Variants in PTPRT observed in about 807,000 individuals in gnomAD.
PTPRT encodes the protein receptor-type tyrosine-protein phosphatase T.
PTPRT carries 56 observed loss-of-function variants against 176.8 expected under a neutral mutation model. The observed-to-expected ratio is 0.32, with a 90% CI of 0.26 to 0.40. The LOEUF (loss-of-function observed/expected upper bound fraction) is 0.40. Ranked by LOEUF, PTPRT falls within the 10% of genes least tolerant of loss-of-function variation. PTPRT has a pLI of 1.00. For synonymous variants in PTPRT, 783 were observed against 739.0 expected, an observed-to-expected ratio of 1.06 and a Z score of -0.96; for missense variants, 1,540 against 1,908.2, an observed-to-expected ratio of 0.81 and a Z score of 3.60.
intron 7 of PTPRT, among the ~76,000 whole-genome samples, chr20:42,482,415 C>T (rs1171891706): frequency 6.6e-6 from 1 of 152,148 alleles, no homozygotes; most frequent in African/African-American, 2.4e-5. Flanking sequence ...GCAGTTGTAA[C>T]AGTATGGTAA....
chr20:42,493,434 T>G (rs1254357280), intron 7 of PTPRT, among the ~76,000 whole-genome samples: 1 of 152,140 alleles, frequency 6.6e-6, no homozygotes, highest in African/African-American at 2.4e-5. Flanking sequence ...TCTTCCTCTG[T>G]AAGTTCTAGG....
At chr20:42,260,211 C>T (rs1354758814) in intron 13 of PTPRT, among the ~76,000 whole-genome samples, 2 of 152,216 alleles carry the variant, frequency 1.3e-5, no homozygotes, top group Admixed American at 6.5e-5. Context: ...GTGTGGGACA[C>T]ATCAGGGCAT....
chr20:42,333,271 G>C (rs950023729), intron 11 of PTPRT, among the ~76,000 whole-genome samples: 6 of 152,146 alleles, frequency 3.9e-5, no homozygotes, highest in African/African-American at 1.4e-4. Flanking sequence ...ATGTGAAACT[G>C]TATCTCTTCA....
At chr20:42,644,203 G>A (rs1271520391) in intron 7 of PTPRT, among the ~76,000 whole-genome samples, 1 of 152,120 alleles carries the variant, frequency 6.6e-6, no homozygotes, top group East Asian at 1.9e-4. Context: ...CATTGTCTCT[G>A]TCACCTGGAC....
At chr20:42,285,902 TA>T (rs1347651051) in intron 12 of PTPRT, among the ~76,000 whole-genome samples, 3 of 151,800 alleles carry the variant, frequency 2.0e-5, no homozygotes, top group South Asian at 2.1e-4. Context: ...ATAAACTACC[TA>T]AAAAATACAA....
At chr20:42,204,738 G>C (rs2055409491) in intron 15 of PTPRT, among the ~76,000 whole-genome samples, 1 of 152,112 alleles carries the variant, frequency 6.6e-6, no homozygotes, top group Non-Finnish European at 1.5e-5. Context: ...GATTTGTTCT[G>C]AGTGCCACTC....
At chr20:42,291,253 C>T (rs1389875404) in intron 12 of PTPRT, among the ~76,000 whole-genome samples, 1 of 152,122 alleles carries the variant, frequency 6.6e-6, no homozygotes, top group Admixed American at 6.6e-5. Flanking sequence ...TGAATGATTA[C>T]TATGTGCCAC....
intron 29 of PTPRT, among the ~76,000 whole-genome samples, chr20:42,082,358 C>A (rs2144002): frequency 1.3e-5 from 2 of 152,118 alleles, no homozygotes; most frequent in African/African-American, 4.8e-5. Context: ...CACCCAAACC[C>A]CAAGGGCAGG....
rs545620751 is a variant in PTPRT, at chr20:42,868,662, A to T, written c.214+17145T>A. On this transcript the variant is annotated intron_variant, in intron 2 of 30. Transcript: ENST00000373187. ...GTGGCTGAGTCAATGTTTGATAAAA[A>T]TATTAAGATGCCTGATAGGGTTATT... is the stretch of plus-strand genomic sequence containing the variant. Among the ~76,000 whole-genome samples the T allele has an allele frequency of 2.6e-5, 4 of 152,340 alleles. 1 individual carries two copies. The highest frequency in any genetic ancestry group is 2.6e-4 in the Admixed American group (4 of 15,304).
chr20:42,921,413 A>G (rs1404757277), intron 1 of PTPRT, among the ~76,000 whole-genome samples: 4 of 151,224 alleles, frequency 2.6e-5, no homozygotes, highest in Non-Finnish European at 5.9e-5. Context: ...ACATAGTGAG[A>G]TCTCTACAAA....
At chr20:42,290,254 A>C (rs2057296746) in intron 12 of PTPRT, among the ~76,000 whole-genome samples, 1 of 152,078 alleles carries the variant, frequency 6.6e-6, no homozygotes, top group Non-Finnish European at 1.5e-5. Context: ...GGGACAGTAC[A>C]ATATAATTTC....
chr20:42,316,105 G>A, intron 11 of PTPRT, 109 bp from the exon 12 acceptor site: 4 of 1,270,880 alleles, frequency 3.1e-6, no homozygotes, highest in East Asian at 2.4e-5. Context: ...CATTGGTTCG[G>A]TCTACAACAA....
chr20:42,032,118 T>A, the PTPRT span, among the ~76,000 whole-genome samples: 1 of 152,090 alleles, frequency 6.6e-6, no homozygotes, highest in Non-Finnish European at 1.5e-5. Flanking sequence ...TGCCTTTTTT[T>A]AAACTGGAAT....
At chr20:42,426,547 T>C (rs2059165898) in intron 9 of PTPRT, among the ~76,000 whole-genome samples, 1 of 152,152 alleles carries the variant, frequency 6.6e-6, no homozygotes, top group South Asian at 2.1e-4. Flanking sequence ...AGAACCCAGG[T>C]ACTAAGAGGA....
At chr20:42,250,026 T>A (rs188658055) in intron 13 of PTPRT, among the ~76,000 whole-genome samples, 5 of 152,378 alleles carry the variant, frequency 3.3e-5, no homozygotes, top group Admixed American at 3.3e-4. Flanking sequence ...TCACTCTTCA[T>A]CAGCCAATAC....
At chr20:42,995,532 G>A (rs1445228295) in intron 1 of PTPRT, among the ~76,000 whole-genome samples, 1 of 152,052 alleles carries the variant, frequency 6.6e-6, no homozygotes, top group Non-Finnish European at 1.5e-5. Flanking sequence ...GGCTCCTTGG[G>A]CCCAATGTGC....
intron 7 of PTPRT, among the ~76,000 whole-genome samples, chr20:42,648,223 C>T (rs944688743): frequency 6.6e-6 from 1 of 152,088 alleles, no homozygotes; most frequent in African/African-American, 2.4e-5. Context: ...TCAAGAAGAA[C>T]AGACTCCTCC....
intron 8 of PTPRT, among the ~76,000 whole-genome samples, chr20:42,449,644 C>T (rs2070792020): frequency 6.6e-6 from 1 of 152,140 alleles, no homozygotes; most frequent in Non-Finnish European, 1.5e-5. Flanking sequence ...GGTCATATGG[C>T]TCTTAAGTTG....
chr20:43,036,758 A>G (rs1484663527), intron 1 of PTPRT, among the ~76,000 whole-genome samples: 1 of 152,216 alleles, frequency 6.6e-6, no homozygotes, highest in Non-Finnish European at 1.5e-5. Flanking sequence ...AAGATGGAGA[A>G]AAAATACCAT....
Sources: gnomAD v4.1 joint callset for allele counts (sites outside exome capture counted in the v4.1 genomes callset) on GRCh38, gnomAD v4.1.1 for gene constraint, MANE v1.5 for transcripts, NCBI Gene and HGNC (gene_info 2026-07-23, HGNC 2026-07-21) for gene names.